The following NOMO1 variants were observed in gnomAD, a reference collection of about 807,000 sequenced individuals.
NOMO1 encodes NODAL modulator 1, also known as nodal modulator 3.
NOMO1 carries 40 observed loss-of-function variants against 133.8 expected under a neutral mutation model. That is an observed-to-expected ratio of 0.30 (90% CI 0.23 to 0.39). The LOEUF (loss-of-function observed/expected upper bound fraction) is 0.39. NOMO1 is among the 10% of genes least tolerant of loss of function. The probability of loss-of-function intolerance (pLI) is 1.00; values close to 1 mark genes in which losing one functional copy is unlikely to be tolerated. For missense variants in NOMO1, 462 were observed against 1,419.9 expected (o/e 0.33, Z 10.84); for synonymous variants, 236 against 570.5 (o/e 0.41, Z 8.36).
At chr16:14,846,749 G>A in intron 5 of NOMO1, 66 bp downstream of exon 5, 2 of 1,355,480 alleles carry the variant, frequency 1.5e-6, no homozygotes, top group Non-Finnish European at 1.0e-6. Flanking sequence ...ATGGAGCTGG[G>A]TTTGGGAGTT....
intron 29 of NOMO1, among the ~76,000 whole-genome samples, chr16:14,893,182 TTTTA>T (rs1431927509): frequency 6.6e-6 from 1 of 151,414 alleles, no homozygotes; most frequent in Admixed American, 6.6e-5. Flanking sequence ...TGAATTAAAC[TTTTA>T]TTTATTTATT....
At chr16:14,880,415 G>A (rs1407078174) in intron 24 of NOMO1, among the ~76,000 whole-genome samples, 1 of 151,904 alleles carries the variant, frequency 6.6e-6, no homozygotes, top group Non-Finnish European at 1.5e-5. Context: ...TTTTGAGACG[G>A]GGTTTCATTC....
chr16:14,892,691 C>T (rs1451407078), intron 29 of NOMO1, among the ~76,000 whole-genome samples: 1 of 151,170 alleles, frequency 6.6e-6, no homozygotes, highest in Non-Finnish European at 1.5e-5. Flanking sequence ...AGAGCGCCCA[C>T]TCTGTGCCAC....
chr16:14,874,856 C>T (rs1597108576), intron 18 of NOMO1, among the ~76,000 whole-genome samples, 180 bp from the exon 19 acceptor site: 1 of 151,892 alleles, frequency 6.6e-6, no homozygotes, highest in Non-Finnish European at 1.5e-5. Flanking sequence ...ACCATCACTG[C>T]GAAGCTCAGT....
intron 16 of NOMO1, 34 bp downstream of exon 16, chr16:14,868,669 G>A: frequency 2.8e-6 from 4 of 1,407,184 alleles, no homozygotes; most frequent in Non-Finnish European, 4.0e-6. Context: ...CCATGAATTA[G>A]AAAAATGGAA....
At chr16:14,889,415 C>T (rs1192339136) in intron 29 of NOMO1, among the ~76,000 whole-genome samples, 200 bp downstream of exon 29, 13 of 151,968 alleles carry the variant, frequency 8.6e-5, no homozygotes, top group Admixed American at 8.5e-4. Context: ...ACCTATAGTC[C>T]CGGCTACTCG....
At chr16:14,855,796 C>T (rs1963825282) in intron 9 of NOMO1, among the ~76,000 whole-genome samples, 1 of 151,932 alleles carries the variant, frequency 6.6e-6, no homozygotes, top group Non-Finnish European at 1.5e-5. Context: ...GTGTCTTATT[C>T]TTTACTGTTT....
chr16:14,860,782 ATC>A (rs1197707471), intron 11 of NOMO1, among the ~76,000 whole-genome samples: 5 of 151,846 alleles, frequency 3.3e-5, no homozygotes, highest in South Asian at 4.2e-4. Context: ...TTTTGGAAAA[ATC>A]TCTGTTTTTT....
In NOMO1 at chr16:14,853,455, C is replaced by G; in HGVS notation, c.736-12C>G. The G allele has an allele frequency of 3.3e-6, 5 of 1,534,656 alleles. No homozygotes were observed. The highest frequency in any genetic ancestry group is 4.4e-6 in the Non-Finnish European group (5 of 1,141,382). On this transcript the variant is annotated splice_polypyrimidine_tract_variant and intron_variant, in intron 7 of 30. Transcript: ENST00000287667. ...GAAAAGGAAGTCTTGTCTTTTTTAC[C>G]CCCTGGCATAGGATGTCCTGGGCTG...
At position 14,876,695 on chromosome 16, in the gene NOMO1, A is replaced by G. The variant is rs1191820225; in HGVS notation, c.2548A>G (p.Thr850Ala). The change falls in exon 22 of 31, where the codon ACG (threonine) becomes GCG (alanine). Residue 850 changes from threonine to alanine, a missense_variant. Coordinates refer to ENST00000287667, the MANE Select transcript of NOMO1 (RefSeq NM_014287.4). ...VGPLHSDLEY[T>A]VTSQKEGYVL... ...CCCCCTGCACAGTGACCTGGAGTAC[A>G]CGGTGACCTCACAGAAGGAGGGCTA... 1.9e-6 allele frequency: 3 copies of G among 1,610,762 alleles called. No homozygotes were observed. Among genetic ancestry groups the G allele is most frequent in the South Asian group, 1.1e-5 (1 of 90,918 alleles).
chr16:14,862,349 G>A (rs1963933026), intron 11 of NOMO1: 2 of 153,124 alleles, frequency 1.3e-5, no homozygotes, highest in African/African-American at 4.8e-5. Flanking sequence ...GGGATGCCTT[G>A]CAACACCTTA....
In NOMO1 at chr16:14,844,817, A is replaced by G. The variant is rs1597093041; in HGVS notation, c.402+43A>G. 8.0e-6 allele frequency: 4 copies of G among 497,752 alleles called. No homozygotes were observed. In the East Asian group the frequency reaches 1.5e-4, roughly 19 times the overall value. 30.8% of individuals were successfully genotyped at this position (497,752 alleles called of 1,614,324 possible). A position where few individuals can be genotyped will look rare whatever the true frequency, so the allele number is the denominator to read the frequency against. On this transcript the variant is annotated intron_variant, in intron 4 of 30. Transcript: ENST00000287667. ...GATTATTTTTCCTGTTCACTCTATA[A>G]TGTATACTAAATCCTTTTTTAAAAA...
intron 11 of NOMO1, among the ~76,000 whole-genome samples, chr16:14,858,146 CCTT>C (rs1963872116): frequency 1.4e-5 from 1 of 70,984 alleles, no homozygotes; most frequent in Non-Finnish European, 2.7e-5. Flanking sequence ...ATGAAAAGTC[CCTT>C]GCTTCAAATT....
chr16:14,881,446 G>A lies in NOMO1; in HGVS notation c.2886-98G>A. 4 of 1,610,198 alleles carry A rather than the reference G, an allele frequency of 2.5e-6. No homozygotes were observed. The South Asian group carries it at 4.4e-5, about 18-fold the overall frequency. The stretch of plus-strand genomic sequence containing the variant: ...GGTCATTGAGGCACAGTTATCCCCT[G>A]AACTATTTTGCCCCATAATTGTTGG... On this transcript the variant is annotated intron_variant, in intron 24 of 30. Transcript: ENST00000287667.
intron 29 of NOMO1, among the ~76,000 whole-genome samples, 181 bp from the exon 30 acceptor site, chr16:14,894,817 G>A (rs1964457874): frequency 6.6e-6 from 1 of 152,234 alleles, no homozygotes; most frequent in Non-Finnish European, 1.5e-5. Context: ...GGATTCATGG[G>A]AAAATATATC....
At chr16:14,891,356 T>C (rs1012061958) in intron 29 of NOMO1, among the ~76,000 whole-genome samples, 6 of 151,164 alleles carry the variant, frequency 4.0e-5, no homozygotes, top group South Asian at 2.1e-4. Context: ...ATTAACCCTT[T>C]GTAATGTTTG....
intron 14 of NOMO1, among the ~76,000 whole-genome samples, chr16:14,866,221 G>A (rs1269708617): frequency 6.8e-6 from 1 of 147,538 alleles, no homozygotes; most frequent in African/African-American, 2.5e-5. Flanking sequence ...CACCATGCCT[G>A]GATAACTTTT....
chr16:14,846,228 T>C (rs1396112782), intron 4 of NOMO1, among the ~76,000 whole-genome samples: 1 of 149,808 alleles, frequency 6.7e-6, no homozygotes, highest in African/African-American at 2.5e-5. Flanking sequence ...GGTTTCACCA[T>C]GTTGGCCAGG....
chr16:14,838,966 G>A (rs1963562950), intron 2 of NOMO1, among the ~76,000 whole-genome samples: 1 of 151,734 alleles, frequency 6.6e-6, no homozygotes, highest in Admixed American at 6.6e-5. Context: ...TTAGAAGTAT[G>A]TGAAATAAAT....
Sources: allele counts gnomAD v4.1 joint callset (sites outside exome capture counted in the v4.1 genomes callset), GRCh38; gene constraint gnomAD v4.1.1; transcripts MANE v1.5; gene names NCBI Gene and HGNC (gene_info 2026-07-23, HGNC 2026-07-21).